Variants in SLC9A9 observed in about 807,000 individuals in gnomAD.
The protein encoded by SLC9A9 is solute carrier family 9 member A9, also known as sodium/hydrogen exchanger 9.
In SLC9A9, 62 loss-of-function variants were observed where a neutral mutation model predicts 77.8. That is an observed-to-expected ratio of 0.80 (90% CI 0.65 to 0.98). The LOEUF is 0.98. SLC9A9 is among the 50% of genes least tolerant of loss of function. The probability of loss-of-function intolerance (pLI) is 0.00; values close to 1 mark genes in which losing one functional copy is unlikely to be tolerated. For missense variants in SLC9A9, 775 were observed against 774.9 expected (o/e 1.00, Z 0.00); for synonymous variants, 320 against 283.5 (o/e 1.13, Z -1.29).
chr3:143,811,118 G>C (rs1324262586), intron 2 of SLC9A9, among the ~76,000 whole-genome samples: 1 of 151,962 alleles, frequency 6.6e-6, no homozygotes. Context: ...TAGCTTCCTG[G>C]GGTTTCAGTT....
intron 14 of SLC9A9, among the ~76,000 whole-genome samples, chr3:143,311,663 CAA>C (rs1444661777): frequency 2.6e-5 from 4 of 152,150 alleles, no homozygotes; most frequent in African/African-American, 9.7e-5. Flanking sequence ...CATAAAATAA[CAA>C]TATTGTGAAA....
chr3:143,483,542 A>G (rs1435034756), intron 11 of SLC9A9, among the ~76,000 whole-genome samples: 1 of 152,180 alleles, frequency 6.6e-6, no homozygotes, highest in Non-Finnish European at 1.5e-5. Context: ...TGAAGCTTAT[A>G]AATTTTGAGG....
At chr3:143,800,612 C>T (rs2008524563) in intron 2 of SLC9A9, among the ~76,000 whole-genome samples, 1 of 152,198 alleles carries the variant, frequency 6.6e-6, no homozygotes, top group African/African-American at 2.4e-5. Flanking sequence ...ACCCTGACAC[C>T]CATCAGTCCC....
At chr3:143,608,930 C>A (rs572089087) in intron 6 of SLC9A9, among the ~76,000 whole-genome samples, 1 of 152,200 alleles carries the variant, frequency 6.6e-6, no homozygotes, top group Admixed American at 6.5e-5. Flanking sequence ...TAGTTTTTTT[C>A]TGTATATAGC....
chr3:143,437,584 G>A (rs1300880609), intron 12 of SLC9A9, among the ~76,000 whole-genome samples: 4 of 152,246 alleles, frequency 2.6e-5, no homozygotes, highest in South Asian at 2.1e-4. Context: ...TTAGAGGCCC[G>A]AGGCCGCTCA....
At chr3:143,627,515 C>T in intron 6 of SLC9A9, 3 of 286,474 alleles carry the variant, frequency 1.0e-5, no homozygotes, top group South Asian at 4.4e-5. Context: ...ACACAGTATG[C>T]CACATGCAGA....
intron 14 of SLC9A9, among the ~76,000 whole-genome samples, chr3:143,327,334 C>T (rs530820225): frequency 1.3e-5 from 2 of 152,140 alleles, no homozygotes; most frequent in African/African-American, 4.8e-5. Flanking sequence ...AGTAAAGGAA[C>T]TTTCCTCTTA....
chr3:143,761,992 C>G (rs968402725), intron 4 of SLC9A9, among the ~76,000 whole-genome samples: 5 of 152,112 alleles, frequency 3.3e-5, no homozygotes, highest in African/African-American at 1.2e-4. Context: ...ATATATACAC[C>G]ATGGAATACT....
chr3:143,708,766 A>G (rs549811885), intron 4 of SLC9A9, among the ~76,000 whole-genome samples: 36 of 152,266 alleles, frequency 2.4e-4, no homozygotes, highest in African/African-American at 7.9e-4. Context: ...TCTCCATTCC[A>G]TGTACCCATT....
intron 4 of SLC9A9, among the ~76,000 whole-genome samples, chr3:143,711,830 T>C (rs1560043796): frequency 6.6e-6 from 1 of 152,174 alleles, no homozygotes; most frequent in Non-Finnish European, 1.5e-5. Flanking sequence ...AGGAAGGTAA[T>C]TTGATTTGCT....
chr3:143,801,574 A>T (rs796969651), intron 2 of SLC9A9, among the ~76,000 whole-genome samples: 70 of 152,120 alleles, frequency 4.6e-4, no homozygotes, highest in African/African-American at 1.6e-3. Flanking sequence ...TATCTCTCTG[A>T]TCCACCTGAC....
intron 5 of SLC9A9, among the ~76,000 whole-genome samples, chr3:143,687,272 A>G (rs991658541): frequency 6.6e-6 from 1 of 152,176 alleles, no homozygotes; most frequent in Non-Finnish European, 1.5e-5. Context: ...ATGGGAAATA[A>G]TTAATTTTTA....
intron 14 of SLC9A9, among the ~76,000 whole-genome samples, chr3:143,290,687 A>G (rs1441749989): frequency 6.6e-6 from 1 of 152,248 alleles, no homozygotes; most frequent in African/African-American, 2.4e-5. Context: ...AGTGTGTTCC[A>G]TGGCAGACAA....
intron 4 of SLC9A9, among the ~76,000 whole-genome samples, chr3:143,721,929 G>T (rs1934508875): frequency 6.6e-6 from 1 of 152,118 alleles, no homozygotes; most frequent in South Asian, 2.1e-4. Context: ...AACAGAAGGT[G>T]TTTACATTTC....
At chr3:143,490,618 T>C (rs2035726556) in intron 11 of SLC9A9, among the ~76,000 whole-genome samples, 2 of 152,188 alleles carry the variant, frequency 1.3e-5, no homozygotes, top group African/African-American at 4.8e-5. Flanking sequence ...TTCGAATGTA[T>C]TTAATAACAC....
rs181789241 is a variant in SLC9A9, at chr3:143,623,992, T to C, written c.755+28263A>G. Reference sequence around the variant, plus strand: ...TCAGAGAATACTATAAACACCTCTATGCAAATAAACTAGAAAATCTAGAAG... The same window carrying C: ...TCAGAGAATACTATAAACACCTCTACGCAAATAAACTAGAAAATCTAGAAG... On this transcript the variant is annotated intron_variant, in intron 6 of 15. Coordinates refer to ENST00000316549, the MANE Select transcript of SLC9A9 (RefSeq NM_173653.4). 3.3e-3 allele frequency among the ~76,000 whole-genome samples: 505 copies of C among 152,196 alleles called. 3 individuals are homozygous for C. Among genetic ancestry groups the C allele is most frequent in the African/African-American group, 0.011 (468 of 41,528 alleles).
At chr3:143,616,120 T>C (rs777925300) in intron 6 of SLC9A9, among the ~76,000 whole-genome samples, 1 of 152,140 alleles carries the variant, frequency 6.6e-6, no homozygotes, top group Non-Finnish European at 1.5e-5. Context: ...CCTGACCTTG[T>C]GATCCGCCCG....
intron 6 of SLC9A9, among the ~76,000 whole-genome samples, chr3:143,646,857 T>G (rs924562786): frequency 2.6e-5 from 4 of 152,212 alleles, no homozygotes; most frequent in African/African-American, 9.6e-5. Flanking sequence ...TGATTATTCT[T>G]TTTTGAGTCC....
At chr3:143,498,577 A>G (rs1176492811) in intron 9 of SLC9A9, among the ~76,000 whole-genome samples, 5 of 152,088 alleles carry the variant, frequency 3.3e-5, no homozygotes, top group African/African-American at 1.2e-4. Flanking sequence ...AATAAGAAAG[A>G]ATGAAAGAAA....
Sources: allele counts gnomAD v4.1 joint callset (sites outside exome capture counted in the v4.1 genomes callset), GRCh38; gene constraint gnomAD v4.1.1; transcripts MANE v1.5; gene names NCBI Gene and HGNC (gene_info 2026-07-23, HGNC 2026-07-21).